NCK1: variants seen among roughly 807,000 people sequenced by gnomAD.
NCK1 encodes SH2/SH3 adapter protein NCK1.
Under a neutral mutation model 36.6 loss-of-function variants are expected in NCK1, and 19 were observed. The observed-to-expected ratio is 0.52, with a 90% CI of 0.36 to 0.76. The LOEUF (loss-of-function observed/expected upper bound fraction) is 0.76. NCK1 is among the 30% of genes least tolerant of loss of function. NCK1 has a pLI of 0.00. For synonymous variants in NCK1, 165 were observed against 156.0 expected (o/e 1.06, Z -0.43); for missense variants, 358 against 445.6 (o/e 0.80, Z 1.77).
At chr3:136,866,315 T>TC (rs1003298375) in intron 1 of NCK1, among the ~76,000 whole-genome samples, 5 of 151,424 alleles carry the variant, frequency 3.3e-5, no homozygotes, top group African/African-American at 1.2e-4. Context: ...TTTCTTTCTT[T>TC]TTTTTTTTTT....
chr3:136,950,940 T>TAA lies in NCK1; in HGVS notation c.*2487_*2488insAA, dbSNP rs1379957503. Among the ~76,000 whole-genome samples, 8 of 152,164 alleles carry TAA rather than the reference T, an allele frequency of 5.3e-5. No individual in the cohort carries two copies. The highest frequency in any genetic ancestry group is 1.2e-4 in the Non-Finnish European group (8 of 68,016). On this transcript the variant is annotated 3_prime_UTR_variant, in exon 4 of 4. Coordinates refer to ENST00000481752, the MANE Select transcript of NCK1 (RefSeq NM_001291999.2). ...AAAACAAATGCCATTGTGTCCCTTA[T>TAA]TTAGTCATAAAACCTTAGGATTCAG...
At chr3:136,930,664 T>C (rs943622097) in intron 2 of NCK1, 2 of 1,269,912 alleles carry the variant, frequency 1.6e-6, no homozygotes, top group Middle Eastern at 2.5e-4. Context: ...CTTTTGTAAA[T>C]TTAAAGGAAA....
intron 1 of NCK1, among the ~76,000 whole-genome samples, chr3:136,887,022 T>C (rs1300293225): frequency 6.6e-6 from 1 of 152,102 alleles, no homozygotes; most frequent in East Asian, 1.9e-4. Context: ...TTTTGTGTTA[T>C]TAGTAGAGAC....
In NCK1 at chr3:136,950,274, A is replaced by G. The variant is rs1400644729; in HGVS notation, c.*1821A>G. On this transcript the variant is annotated 3_prime_UTR_variant, in exon 4 of 4. Transcript: ENST00000481752. Reference sequence around the variant, plus strand: ...CTTATGAAAAAAATGTATGTTTGTAAAAAGAGAACAATTAATGCTTTGCAT... The same window carrying G: ...CTTATGAAAAAAATGTATGTTTGTAGAAAGAGAACAATTAATGCTTTGCAT... Among the ~76,000 whole-genome samples the G allele has an allele frequency of 6.6e-6, 1 of 152,108 alleles. No individual in the cohort carries two copies. Among genetic ancestry groups the G allele is most frequent in the Non-Finnish European group, 1.5e-5 (1 of 67,968 alleles).
intron 1 of NCK1, among the ~76,000 whole-genome samples, chr3:136,871,331 G>C (rs375222376): frequency 6.6e-6 from 1 of 152,020 alleles, no homozygotes; most frequent in African/African-American, 2.4e-5. Flanking sequence ...CCAAGAGGTC[G>C]AGGCTGCAGT....
At chr3:136,872,326 TG>T (rs1160825450) in intron 1 of NCK1, among the ~76,000 whole-genome samples, 1 of 152,216 alleles carries the variant, frequency 6.6e-6, no homozygotes, top group Non-Finnish European at 1.5e-5. Context: ...GGCAACATTT[TG>T]CCCCTGCCCT....
Position 136,950,939 on chromosome 3 carries a change from A to G in NCK1, c.*2486A>G, listed in dbSNP as rs1176383437. ...AAAAACAAATGCCATTGTGTCCCTT[A>G]TTTAGTCATAAAACCTTAGGATTCA... On this transcript the variant is annotated 3_prime_UTR_variant, in exon 4 of 4. Transcript: ENST00000481752. 4.6e-5 allele frequency among the ~76,000 whole-genome samples: 7 copies of G among 152,192 alleles called. No individual in the cohort carries two copies. Among genetic ancestry groups the G allele is most frequent in the Admixed American group, 2.0e-4 (3 of 15,274 alleles).
intron 2 of NCK1, among the ~76,000 whole-genome samples, chr3:136,932,133 A>AAG (rs1553797721): frequency 1.4e-4 from 21 of 151,534 alleles, no homozygotes; most frequent in Non-Finnish European, 2.4e-4. Context: ...AAAAAAAAAA[A>AAG]AAAAGAATCC....
intron 1 of NCK1, among the ~76,000 whole-genome samples, chr3:136,877,681 A>G (rs951098434): frequency 4.6e-5 from 7 of 152,216 alleles, no homozygotes; most frequent in South Asian, 4.1e-4. Context: ...GACGGCAACA[A>G]TAAAATCTGG....
intron 1 of NCK1, among the ~76,000 whole-genome samples, chr3:136,920,950 G>A (rs1940093794): frequency 6.6e-6 from 1 of 152,036 alleles, no homozygotes; most frequent in Non-Finnish European, 1.5e-5. Flanking sequence ...ACTGAATTTT[G>A]TCCCTTCAAA....
At chr3:136,907,274 A>G (rs779544541) in intron 1 of NCK1, among the ~76,000 whole-genome samples, 2 of 152,094 alleles carry the variant, frequency 1.3e-5, no homozygotes, top group African/African-American at 4.8e-5. Context: ...TGGAGCAGCT[A>G]TAGGTGGAGA....
chr3:136,899,252 T>C, intron 1 of NCK1: 1 of 263,956 alleles, frequency 3.8e-6, no homozygotes, highest in African/African-American at 2.3e-5. Flanking sequence ...TGCATATTTG[T>C]AATGGTTTCC....
chr3:136,874,505 T>G (rs988786732), intron 1 of NCK1, among the ~76,000 whole-genome samples: 1 of 152,336 alleles, frequency 6.6e-6, no homozygotes, highest in East Asian at 1.9e-4. Context: ...AATGAACTTA[T>G]ACACTCATTT....
intron 1 of NCK1, among the ~76,000 whole-genome samples, chr3:136,891,501 T>G (rs1939244525): frequency 6.6e-6 from 1 of 152,226 alleles, no homozygotes; most frequent in Non-Finnish European, 1.5e-5. Context: ...TGAACATGGG[T>G]GTACAAGTAT....
chr3:136,919,807 C>A (rs529852464), intron 1 of NCK1, among the ~76,000 whole-genome samples: 7 of 151,930 alleles, frequency 4.6e-5, no homozygotes, highest in Non-Finnish European at 7.4e-5. Context: ...AGTAGTTATA[C>A]CCTAAGGAAA....
At chr3:136,936,387 C>G (rs1296076895) in intron 2 of NCK1, among the ~76,000 whole-genome samples, 1 of 152,184 alleles carries the variant, frequency 6.6e-6, no homozygotes, top group East Asian at 1.9e-4. Flanking sequence ...TTTATCCACT[C>G]ATCTGTTCAT....
chr3:136,889,511 A>C (rs1006133247), intron 1 of NCK1, among the ~76,000 whole-genome samples: 2 of 152,090 alleles, frequency 1.3e-5, no homozygotes, highest in Non-Finnish European at 2.9e-5. Flanking sequence ...GAGCGAAAGA[A>C]CAAAGCTTCC....
chr3:136,870,976 T>A (rs1938599919), intron 1 of NCK1, among the ~76,000 whole-genome samples: 1 of 152,138 alleles, frequency 6.6e-6, no homozygotes, highest in African/African-American at 2.4e-5. Flanking sequence ...TATTTCCAGG[T>A]GTGTGTATGT....
chr3:136,864,228 C>CA (rs1454105126), intron 1 of NCK1, among the ~76,000 whole-genome samples: 4 of 152,016 alleles, frequency 2.6e-5, no homozygotes, highest in Non-Finnish European at 4.4e-5. Context: ...CTCGGTGGCT[C>CA]ACGCCTGTAA....
Sources: gnomAD v4.1 joint callset for allele counts (sites outside exome capture counted in the v4.1 genomes callset) on GRCh38, gnomAD v4.1.1 for gene constraint, MANE v1.5 for transcripts, NCBI Gene and HGNC (gene_info 2026-07-23, HGNC 2026-07-21) for gene names.